ACBD6: variants seen among roughly 807,000 people sequenced by gnomAD.
ACBD6 encodes the protein acyl-CoA binding domain containing 6.
Under a neutral mutation model 37.2 loss-of-function variants are expected in ACBD6, and 28 were observed. The ratio of observed to expected loss-of-function variants is 0.75; its 90% CI spans 0.56 to 1.03. The LOEUF (loss-of-function observed/expected upper bound fraction) is 1.03, where lower values mean the gene tolerates loss of function less well. ACBD6 is among the 50% of genes least tolerant of loss of function. The pLI is 0.00. For missense variants in ACBD6, 340 were observed against 337.4 expected, an observed-to-expected ratio of 1.01 and a Z score of -0.06; for synonymous variants, 113 against 126.8, an observed-to-expected ratio of 0.89 and a Z score of 0.73.
chr1:180,381,619 T>G (rs375886977), intron 6 of ACBD6, among the ~76,000 whole-genome samples: 1 of 152,176 alleles, frequency 6.6e-6, no homozygotes, highest in East Asian at 1.9e-4. Context: ...TGAATCACCA[T>G]TGGGTCAAGA....
intron 6 of ACBD6, among the ~76,000 whole-genome samples, chr1:180,377,547 G>A (rs1042735389): frequency 4.6e-5 from 7 of 152,118 alleles, no homozygotes; most frequent in African/African-American, 1.7e-4. Flanking sequence ...CCTTATAGAG[G>A]GTTCCAATTA....
chr1:180,305,334 T>A (rs549415036), intron 7 of ACBD6, among the ~76,000 whole-genome samples: 40 of 151,998 alleles, frequency 2.6e-4, no homozygotes, highest in Admixed American at 1.0e-3. Context: ...TGGGAGAAAA[T>A]TTTTGCAATC....
chr1:180,447,763 A>G (rs752859481), intron 3 of ACBD6, among the ~76,000 whole-genome samples: 8 of 152,204 alleles, frequency 5.3e-5, no homozygotes, highest in Admixed American at 2.6e-4. Context: ...ATCATAAAAC[A>G]TCAAAAGATT....
chr1:180,358,239 C>G (rs1344432294), intron 6 of ACBD6, among the ~76,000 whole-genome samples: 1 of 152,078 alleles, frequency 6.6e-6, no homozygotes, highest in Non-Finnish European at 1.5e-5. Context: ...CCAGCCTGAT[C>G]AACATGGTGA....
chr1:180,482,655 C>T (rs920315659), intron 3 of ACBD6, among the ~76,000 whole-genome samples: 1 of 151,822 alleles, frequency 6.6e-6, no homozygotes, highest in African/African-American at 2.4e-5. Flanking sequence ...TTACTAGATG[C>T]GAGTAGAAAC....
At chr1:180,414,573 C>T (rs1330501706) in intron 4 of ACBD6, among the ~76,000 whole-genome samples, 7 of 152,146 alleles carry the variant, frequency 4.6e-5, no homozygotes, top group Non-Finnish European at 8.8e-5. Flanking sequence ...AGGCACTGGA[C>T]AAGAATTTGT....
intron 6 of ACBD6, among the ~76,000 whole-genome samples, chr1:180,364,063 G>C (rs913283548): frequency 6.6e-6 from 1 of 152,026 alleles, no homozygotes; most frequent in Admixed American, 6.5e-5. Flanking sequence ...TTAAAAAAAG[G>C]GATGGCAAAT....
rs150673943 is a variant in ACBD6, at chr1:180,353,997, G to A, written c.664-39275C>T. Among the ~76,000 whole-genome samples, 793 of 152,266 alleles carry A rather than the reference G, an allele frequency of 5.2e-3. 4 individuals carry two copies. The highest frequency in any genetic ancestry group is 0.018 in the African/African-American group (732 of 41,560). The stretch of plus-strand genomic sequence containing the variant: ...TACTACCAAATGCTTTCGTATGGAT[G>A]AGGCAGATACCTGGTTATTTAAGGA... On this transcript the variant is annotated intron_variant, in intron 6 of 7. Coordinates refer to ENST00000367595, the MANE Select transcript of ACBD6 (RefSeq NM_032360.4).
chr1:180,453,720 T>C (rs1374904651), intron 3 of ACBD6, among the ~76,000 whole-genome samples: 1 of 152,148 alleles, frequency 6.6e-6, no homozygotes, highest in African/African-American at 2.4e-5. Flanking sequence ...AAAATCAATG[T>C]GCAAAAATCA....
chr1:180,501,533 G>C (rs1651972850), intron 1 of ACBD6, among the ~76,000 whole-genome samples: 2 of 152,118 alleles, frequency 1.3e-5, no homozygotes, highest in Admixed American at 1.3e-4. Flanking sequence ...GGTCAGGCTG[G>C]TCTCCAACTC....
intron 1 of ACBD6, among the ~76,000 whole-genome samples, chr1:180,495,759 T>C (rs1651709563): frequency 6.6e-6 from 1 of 152,202 alleles, no homozygotes; most frequent in Non-Finnish European, 1.5e-5. Flanking sequence ...TATCTAATAC[T>C]GTAATACAGA....
Position 180,502,493 on chromosome 1 carries a change from C to G in ACBD6, c.-227G>C, listed in dbSNP as rs1652028571. The G allele has an allele frequency of 5.2e-6, 3 of 574,144 alleles. No homozygotes were observed. In the South Asian group the frequency reaches 5.9e-5, roughly 11 times the overall value. 35.6% of individuals were successfully genotyped at this position (574,144 alleles called of 1,614,324 possible). A position where few individuals can be genotyped will look rare whatever the true frequency, so the allele number is the denominator to read the frequency against. On this transcript the variant is annotated 5_prime_UTR_variant, in exon 1 of 8. Transcript: ENST00000367595. ...CCCTCTGCCGCTCTGCCCAGTCGAC[C>G]CGGTCTCCTCCGGCTTCCCTCCGGC...
At chr1:180,333,455 T>C (rs2149301664) in intron 6 of ACBD6, among the ~76,000 whole-genome samples, 1 of 152,264 alleles carries the variant, frequency 6.6e-6, no homozygotes, top group East Asian at 1.9e-4. Flanking sequence ...AATCCTGACC[T>C]CATAGACCTG....
At chr1:180,274,864 AGG>A in exon 10 of ACBD6, 1 of 339,834 alleles carries the variant, frequency 2.9e-6, no homozygotes, top group Non-Finnish European at 5.4e-6. Flanking sequence ...TGTTCTGCTT[AGG>A]GGCTTGGCTG....
intron 3 of ACBD6, among the ~76,000 whole-genome samples, chr1:180,441,234 G>C (rs1649269199): frequency 6.6e-6 from 1 of 152,106 alleles, no homozygotes; most frequent in South Asian, 2.1e-4. Context: ...ACACCCTACT[G>C]GGTATGAAGT....
downstream of ACBD6, among the ~76,000 whole-genome samples, chr1:180,286,081 A>G (rs1649489909): frequency 6.6e-6 from 1 of 152,202 alleles, no homozygotes; most frequent in Admixed American, 6.5e-5. Flanking sequence ...AAAAAAGGGA[A>G]TGCCATGGGC....
intron 9 of ACBD6, chr1:180,276,649 C>G (rs1036097093): frequency 3.3e-5 from 5 of 152,184 alleles, no homozygotes; most frequent in Non-Finnish European, 7.3e-5. Context: ...TTTTTAAATA[C>G]ACCCTTCTTA....
chr1:180,306,215 T>C (rs1245969425), intron 7 of ACBD6, among the ~76,000 whole-genome samples: 1 of 151,920 alleles, frequency 6.6e-6, no homozygotes, highest in Non-Finnish European at 1.5e-5. Flanking sequence ...AAACTGCACG[T>C]TGTGCACATG....
At chr1:180,402,638 C>T (rs555527602) in intron 5 of ACBD6, among the ~76,000 whole-genome samples, 7 of 152,072 alleles carry the variant, frequency 4.6e-5, no homozygotes, top group African/African-American at 1.7e-4. Flanking sequence ...CCCATCTCTA[C>T]AAAAATTAGC....
Sources: gnomAD v4.1 joint callset for allele counts (sites outside exome capture counted in the v4.1 genomes callset) on GRCh38, gnomAD v4.1.1 for gene constraint, MANE v1.5 for transcripts, NCBI Gene and HGNC (gene_info 2026-07-23, HGNC 2026-07-21) for gene names.